The following CLIC5 variants were observed in gnomAD, a reference collection of about 807,000 sequenced individuals.
CLIC5 encodes chloride intracellular channel protein 5.
A neutral mutation model predicts 24.7 loss-of-function variants in CLIC5; 20 were observed. The ratio of observed to expected loss-of-function variants is 0.81; its 90% CI spans 0.57 to 1.18. The LOEUF (loss-of-function observed/expected upper bound fraction) is 1.18. CLIC5 is among the 50% of genes most tolerant of loss of function. The pLI is 0.00. For missense variants in CLIC5, 341 were observed against 326.1 expected (o/e 1.05, Z -0.35); for synonymous variants, 159 against 135.6 (o/e 1.17, Z -1.20).
At chr6:45,989,485 C>A (rs1765855140) in intron 1 of CLIC5, among the ~76,000 whole-genome samples, 1 of 152,092 alleles carries the variant, frequency 6.6e-6, no homozygotes, top group Admixed American at 6.5e-5. Flanking sequence ...CTAGATTCAC[C>A]AGTTTTCTAT....
At chr6:46,002,887 A>C (rs977511151) in intron 1 of CLIC5, among the ~76,000 whole-genome samples, 11 of 152,334 alleles carry the variant, frequency 7.2e-5, no homozygotes, top group South Asian at 2.1e-4. Flanking sequence ...AGGAAAGGCA[A>C]AACCTTGGTC....
chr6:46,106,500 T>C, the CLIC5 span, among the ~76,000 whole-genome samples: 2 of 152,188 alleles, frequency 1.3e-5, no homozygotes, highest in Non-Finnish European at 2.9e-5. Flanking sequence ...CCTGCAATGC[T>C]TTTTTGGGGC....
At chr6:46,077,475 G>C (rs893857797) in intron 1 of CLIC5, among the ~76,000 whole-genome samples, 2 of 151,908 alleles carry the variant, frequency 1.3e-5, no homozygotes, top group Non-Finnish European at 2.9e-5. Flanking sequence ...CCACAGAGCA[G>C]GGAAGAGGAA....
At chr6:46,086,335 G>A in the CLIC5 span, among the ~76,000 whole-genome samples, 135 of 152,342 alleles carry the variant, frequency 8.9e-4, no homozygotes, top group East Asian at 0.018. Context: ...CGTCTTCTGC[G>A]TCACTCACGC....
At chr6:46,095,307 C>T in the CLIC5 span, among the ~76,000 whole-genome samples, 3 of 152,142 alleles carry the variant, frequency 2.0e-5, no homozygotes, top group South Asian at 2.1e-4. Flanking sequence ...CTGCAGCCTG[C>T]TTGAATTCTT....
At chr6:45,959,944 A>C (rs1198515659) in intron 1 of CLIC5, among the ~76,000 whole-genome samples, 1 of 152,108 alleles carries the variant, frequency 6.6e-6, no homozygotes. Context: ...CTGCACATGC[A>C]TGACTGGCTA....
At chr6:46,090,964 C>A in the CLIC5 span, among the ~76,000 whole-genome samples, 1 of 152,186 alleles carries the variant, frequency 6.6e-6, no homozygotes, top group Non-Finnish European at 1.5e-5. Context: ...AAGCTGTTAT[C>A]AATCCAGCTG....
intron 1 of CLIC5, among the ~76,000 whole-genome samples, chr6:46,069,269 C>G (rs1487924000): frequency 6.6e-6 from 1 of 152,084 alleles, no homozygotes; most frequent in Non-Finnish European, 1.5e-5. Context: ...CAATAGGGAG[C>G]TACTGCATAA....
At chr6:46,082,649 G>T (rs1250219745), upstream of CLIC5, among the ~76,000 whole-genome samples, 1 of 152,000 alleles carries the variant, frequency 6.6e-6, no homozygotes, top group Admixed American at 6.6e-5. Context: ...ACATTCCCTG[G>T]ATATTTGCAT....
intron 1 of CLIC5, among the ~76,000 whole-genome samples, chr6:45,962,178 ATG>A (rs1392585758): frequency 6.0e-5 from 9 of 149,662 alleles, no homozygotes; most frequent in Non-Finnish European, 7.4e-5. Context: ...TATTATATAT[ATG>A]TGTGTGTATA....
Position 45,903,137 on chromosome 6 carries a change from T to A in CLIC5, c.707A>T (p.Glu236Val). Residue 236 changes from glutamate to valine, a missense_variant, in exon 6 of 6, where the codon GAG (glutamate) becomes GTG (valine). Glu to Val is a moderately radical substitution (Grantham distance 121). Transcript: ENST00000339561. ...EFTNTCAADS[E>V]IELAYADVAK... Reference sequence around the variant, plus strand: ...GACATCAGCGTAGGCCAACTCGATCTCACTGTCAGCTGCACAGGTGTTGGT... The same window carrying A: ...GACATCAGCGTAGGCCAACTCGATCACACTGTCAGCTGCACAGGTGTTGGT... 6.2e-7 allele frequency: 1 copy of A among 1,614,206 alleles called. No individual in the cohort carries two copies. The highest frequency in any genetic ancestry group is 1.1e-5 in the South Asian group (1 of 91,076).
chr6:46,114,759 G>A, the CLIC5 span, among the ~76,000 whole-genome samples: 1 of 152,138 alleles, frequency 6.6e-6, no homozygotes, highest in Admixed American at 6.5e-5. Context: ...CTTTGTTATG[G>A]CAGTCCTAGC....
intron 3 of CLIC5, 148 bp downstream of exon 3, chr6:45,949,108 C>T: frequency 9.3e-7 from 1 of 1,071,400 alleles, no homozygotes; most frequent in Non-Finnish European, 1.3e-6. Context: ...TTTGGGGGTC[C>T]TAGGCTCTCT....
chr6:46,015,472 C>T lies in CLIC5; in HGVS notation c.63+8G>A, dbSNP rs1350520971. On this transcript the variant is annotated splice_region_variant and intron_variant, in intron 1 of 5. Transcript: ENST00000339561. ...GCAGGTGCGGCGGGAGACTGGACCC[C>T]GACCTACCTTCACAAAGAGCTCGAT... 4.6e-6 allele frequency: 7 copies of T among 1,529,944 alleles called. No individual in the cohort carries two copies. Among genetic ancestry groups the T allele is most frequent in the Non-Finnish European group, 6.2e-6 (7 of 1,137,356 alleles). 94.8% of individuals were successfully genotyped at this position (1,529,944 alleles called of 1,614,324 possible). A position where few individuals can be genotyped will look rare whatever the true frequency, so the allele number is the denominator to read the frequency against.
chr6:45,881,286 T>TA (rs1390773051), intron 6 of CLIC5: 2 of 396,624 alleles, frequency 5.0e-6, no homozygotes. Context: ...TGAAGGATAT[T>TA]ACTGATTTCA....
At chr6:45,970,066 C>G (rs1765147594) in intron 1 of CLIC5, among the ~76,000 whole-genome samples, 1 of 152,152 alleles carries the variant, frequency 6.6e-6, no homozygotes, top group Admixed American at 6.5e-5. Flanking sequence ...TGGGCCCATT[C>G]CTCCTTCCTC....
chr6:46,025,030 C>A (rs1407637805), intron 1 of CLIC5, among the ~76,000 whole-genome samples: 1 of 151,562 alleles, frequency 6.6e-6, no homozygotes, highest in East Asian at 1.9e-4. Context: ...AATAATGTCT[C>A]CATTAATTGA....
intron 6 of CLIC5, among the ~76,000 whole-genome samples, chr6:45,886,384 G>A (rs539099901): frequency 2.6e-5 from 4 of 152,292 alleles, no homozygotes; most frequent in African/African-American, 4.8e-5. Context: ...GCACAAGTGC[G>A]GCAGGTCTCA....
At chr6:46,006,220 C>T (rs1298477691) in intron 1 of CLIC5, among the ~76,000 whole-genome samples, 1 of 148,454 alleles carries the variant, frequency 6.7e-6, no homozygotes, top group Non-Finnish European at 1.5e-5. Flanking sequence ...TCTTGGCCCA[C>T]TGCAGCCTCC....
Sources: allele counts gnomAD v4.1 joint callset (sites outside exome capture counted in the v4.1 genomes callset), GRCh38; gene constraint gnomAD v4.1.1; transcripts MANE v1.5; gene names NCBI Gene and HGNC (gene_info 2026-07-23, HGNC 2026-07-21).